The following AHI1 variants were observed in gnomAD, a reference collection of about 807,000 sequenced individuals.
AHI1 encodes Abelson helper integration site 1, also known as jouberin.
AHI1 carries 123 observed loss-of-function variants against 149.3 expected under a neutral mutation model. The ratio of observed to expected loss-of-function variants is 0.82; its 90% CI spans 0.71 to 0.96. AHI1 has a LOEUF of 0.96. Ranked by LOEUF, AHI1 falls within the 40% of genes least tolerant of loss-of-function variation. The pLI is 0.00. For missense variants in AHI1, 1,439 were observed against 1,422.7 expected, an observed-to-expected ratio of 1.01 and a Z score of -0.18; for synonymous variants, 475 against 459.8, an observed-to-expected ratio of 1.03 and a Z score of -0.42.
At chr6:135,368,172 G>C (rs1484903456) in intron 23 of AHI1, among the ~76,000 whole-genome samples, 3 of 152,162 alleles carry the variant, frequency 2.0e-5, no homozygotes, top group Non-Finnish European at 2.9e-5. Context: ...GGGAGTTTCT[G>C]CAGAGTCTGG....
At chr6:135,345,400 G>A (rs1791043360) in intron 24 of AHI1, among the ~76,000 whole-genome samples, 1 of 152,124 alleles carries the variant, frequency 6.6e-6, no homozygotes, top group African/African-American at 2.4e-5. Context: ...ATTCATGGTA[G>A]CTAAAAATGG....
rs966704248 is a variant in AHI1, at chr6:135,329,017, C to T, written c.3166-5693G>A. 4.6e-5 allele frequency among the ~76,000 whole-genome samples: 7 copies of T among 152,078 alleles called. No individual in the cohort carries two copies. In the East Asian group the frequency reaches 5.8e-4, roughly 13 times the overall value. On this transcript the variant is annotated intron_variant, in intron 24 of 28. Coordinates refer to ENST00000265602, the MANE Select transcript of AHI1 (RefSeq NM_001134831.2). The stretch of plus-strand genomic sequence containing the variant: ...CTTCAATTCTATGAAGGCTGAGAAA[C>T]GTGAGGAAGCTACAGAAGAAAAGTT...
chr6:135,381,249 A>G (rs775971040), intron 23 of AHI1, among the ~76,000 whole-genome samples: 4 of 152,206 alleles, frequency 2.6e-5, no homozygotes, highest in Admixed American at 6.5e-5. Flanking sequence ...AAGTTGGCCA[A>G]AACAAAACAC....
In AHI1 at chr6:135,326,283, G is replaced by A. The variant is rs1787669895; in HGVS notation, c.3166-2959C>T. Reference sequence around the variant, plus strand: ...GGGTGGGGCCTGGATTAACAGGACTGGCATTTTTATAAGAGGAAGATACAG... The same window carrying A: ...GGGTGGGGCCTGGATTAACAGGACTAGCATTTTTATAAGAGGAAGATACAG... On this transcript the variant is annotated intron_variant, in intron 24 of 28. Coordinates refer to ENST00000265602, the MANE Select transcript of AHI1 (RefSeq NM_001134831.2). 2.0e-5 allele frequency among the ~76,000 whole-genome samples: 3 copies of A among 152,148 alleles called. No individual in the cohort carries two copies. In the South Asian group the frequency reaches 6.2e-4, roughly 32 times the overall value.
chr6:135,295,808 A>C (rs1182271478), intron 27 of AHI1, among the ~76,000 whole-genome samples: 1 of 152,210 alleles, frequency 6.6e-6, no homozygotes, highest in Admixed American at 6.5e-5. Flanking sequence ...GTGATGGTTC[A>C]TGGGTATTTA....
At chr6:135,403,154 T>C (rs930238097) in intron 22 of AHI1, among the ~76,000 whole-genome samples, 2 of 152,084 alleles carry the variant, frequency 1.3e-5, no homozygotes, top group African/African-American at 4.8e-5. Flanking sequence ...ATTTGGAGTG[T>C]GTATGTGTAG....
chr6:135,386,759 T>C (rs1381555512), intron 23 of AHI1, among the ~76,000 whole-genome samples: 8 of 151,890 alleles, frequency 5.3e-5, no homozygotes, highest in Non-Finnish European at 1.5e-5. Flanking sequence ...GCCTCCCGAG[T>C]AGCTGGGATT....
intron 6 of AHI1, among the ~76,000 whole-genome samples, chr6:135,466,713 C>T (rs937104340): frequency 5.4e-4 from 82 of 152,200 alleles, no homozygotes; most frequent in Middle Eastern, 3.4e-3. Flanking sequence ...AATAGATATT[C>T]GAGAAATTGC....
At chr6:135,494,695 G>A (rs1795732214) in intron 3 of AHI1, among the ~76,000 whole-genome samples, 1 of 152,156 alleles carries the variant, frequency 6.6e-6, no homozygotes. Flanking sequence ...TAATCCAGCA[G>A]GGAGACAATA....
intron 4 of AHI1, among the ~76,000 whole-genome samples, chr6:135,491,881 TA>T (rs1795302096): frequency 6.6e-6 from 1 of 152,222 alleles, no homozygotes; most frequent in Non-Finnish European, 1.5e-5. Context: ...AGACTAAGCC[TA>T]AAATATTTAC....
chr6:135,340,646 T>TAC (rs1358491981), intron 24 of AHI1, among the ~76,000 whole-genome samples: 1 of 66,506 alleles, frequency 1.5e-5, no homozygotes, highest in African/African-American at 8.0e-5. Flanking sequence ...AGTACATATA[T>TAC]ATACATACAT....
intron 5 of AHI1, among the ~76,000 whole-genome samples, chr6:135,479,042 G>A (rs1793175542): frequency 6.6e-6 from 1 of 152,266 alleles, no homozygotes; most frequent in Admixed American, 6.5e-5. Flanking sequence ...AGAAACCTCT[G>A]CCTAGATTAC....
chr6:135,425,467 T>C (rs566490333), intron 20 of AHI1, among the ~76,000 whole-genome samples: 308 of 152,008 alleles, frequency 2.0e-3, no homozygotes, highest in African/African-American at 7.1e-3. Flanking sequence ...AATTCTTACA[T>C]ATAGTCAAGC....
chr6:135,477,396 A>G (rs1243485048), intron 5 of AHI1, among the ~76,000 whole-genome samples: 1 of 152,022 alleles, frequency 6.6e-6, no homozygotes, highest in Non-Finnish European at 1.5e-5. Context: ...TTCCATTATC[A>G]TTATTGGCTT....
intron 8 of AHI1, among the ~76,000 whole-genome samples, 155 bp downstream of exon 8, chr6:135,462,970 G>A (rs1046532870): frequency 1.3e-5 from 2 of 151,824 alleles, no homozygotes; most frequent in African/African-American, 4.8e-5. Context: ...ACAAATACAT[G>A]TGTGCTTTAA....
At chr6:135,400,280 C>T (rs1029670276) in intron 22 of AHI1, among the ~76,000 whole-genome samples, 25 of 152,104 alleles carry the variant, frequency 1.6e-4, no homozygotes, top group African/African-American at 5.8e-4. Context: ...AATATTTTCT[C>T]TGGATTCTCT....
chr6:135,433,220 G>C lies in AHI1; in HGVS notation c.2073C>G (p.Phe691Leu), dbSNP rs1324339596. Reference protein sequence around the residue: ...WKNEINNTNTFRVLPHPSFVY... With the variant: ...WKNEINNTNTLRVLPHPSFVY... Reference sequence around the variant, plus strand: ...CAAAAGAAGGATGAGGTAAAACTCTGAAAGTATTTGTATTGTTTATTTCAT... The same window carrying C: ...CAAAAGAAGGATGAGGTAAAACTCTCAAAGTATTTGTATTGTTTATTTCAT... The change falls in exon 16 of 29, where the codon TTC becomes TTG. Residue 691 changes from phenylalanine to leucine, a missense_variant. Physicochemically the swap from Phe to Leu is conservative, Grantham distance 22 (BLOSUM62 0). Coordinates refer to ENST00000265602, the MANE Select transcript of AHI1 (RefSeq NM_001134831.2). 3 of 1,610,346 alleles carry C rather than the reference G, an allele frequency of 1.9e-6. No homozygotes were observed. The highest frequency in any genetic ancestry group is 2.5e-6 in the Non-Finnish European group (3 of 1,176,948).
intron 26 of AHI1, 188 bp downstream of exon 26, chr6:135,318,331 C>T: frequency 1.9e-6 from 1 of 537,292 alleles, no homozygotes; most frequent in Non-Finnish European, 3.3e-6. Context: ...CTCTGGGCCT[C>T]CTCAGTTTCC....
At chr6:135,424,225 C>G (rs1190314835) in intron 20 of AHI1, among the ~76,000 whole-genome samples, 1 of 151,966 alleles carries the variant, frequency 6.6e-6, no homozygotes, top group East Asian at 1.9e-4. Flanking sequence ...AGCCATGGCT[C>G]CTGTAAAGCG....
Sources: gnomAD v4.1 joint callset for allele counts (sites outside exome capture counted in the v4.1 genomes callset) on GRCh38, gnomAD v4.1.1 for gene constraint, MANE v1.5 for transcripts, NCBI Gene and HGNC (gene_info 2026-07-23, HGNC 2026-07-21) for gene names.